Variants in SCFD2 observed in about 807,000 individuals in gnomAD.
SCFD2 encodes the protein sec1 family domain containing 2.
A neutral mutation model predicts 58.9 loss-of-function variants in SCFD2; 54 were observed. That is an observed-to-expected ratio of 0.92 (90% CI 0.74 to 1.15). The LOEUF (loss-of-function observed/expected upper bound fraction) is 1.15. Among genes scored for constraint, SCFD2 ranks in the 50% most tolerant of loss-of-function variants. The pLI, the probability that SCFD2 is intolerant of heterozygous loss-of-function variation, is 0.00. For synonymous variants in SCFD2, 321 were observed against 335.9 expected (o/e 0.96, Z 0.49); for missense variants, 805 against 836.6 (o/e 0.96, Z 0.47).
At chr4:53,121,959 T>G (rs1218268859) in intron 5 of SCFD2, among the ~76,000 whole-genome samples, 1 of 152,212 alleles carries the variant, frequency 6.6e-6, no homozygotes, top group East Asian at 1.9e-4. Flanking sequence ...AGTGAGTTCT[T>G]GCTTTTAATT....
intron 4 of SCFD2, among the ~76,000 whole-genome samples, chr4:53,184,392 G>T (rs1727679471): frequency 6.6e-6 from 1 of 151,980 alleles, no homozygotes; most frequent in Non-Finnish European, 1.5e-5. Context: ...TTGATCTCTG[G>T]AATCAGGAAA....
intron 1 of SCFD2, among the ~76,000 whole-genome samples, chr4:53,363,062 T>A (rs1734590052): frequency 3.3e-5 from 5 of 152,162 alleles, no homozygotes; most frequent in Admixed American, 3.3e-4. Flanking sequence ...TAAGGGAGAA[T>A]CTATAAAATG....
chr4:53,363,345 T>C (rs897705750), intron 1 of SCFD2, among the ~76,000 whole-genome samples: 3 of 151,870 alleles, frequency 2.0e-5, no homozygotes, highest in Non-Finnish European at 4.4e-5. Context: ...GATTGAGTTT[T>C]GCTGTGTTGC....
chr4:53,036,302 TGTAGTGTTTG>T (rs1722758584), intron 5 of SCFD2, among the ~76,000 whole-genome samples: 1 of 151,386 alleles, frequency 6.6e-6, no homozygotes, highest in African/African-American at 2.4e-5. Context: ...TGTGACAACA[TGTAGTGTTTG>T]GTAGTCTGTC....
chr4:53,208,415 CACAA>C (rs1728505023), intron 4 of SCFD2, among the ~76,000 whole-genome samples: 1 of 152,168 alleles, frequency 6.6e-6, no homozygotes, highest in African/African-American at 2.4e-5. Flanking sequence ...CTGTACATGT[CACAA>C]ACACTTTCCT....
chr4:53,247,009 A>AC (rs1323540204), intron 4 of SCFD2, among the ~76,000 whole-genome samples: 1 of 151,502 alleles, frequency 6.6e-6, no homozygotes, highest in Non-Finnish European at 1.5e-5. Flanking sequence ...AAAAAAAAAA[A>AC]AAACTCCAAA....
chr4:53,269,012 G>T (rs1271687165), intron 4 of SCFD2, among the ~76,000 whole-genome samples: 2 of 152,182 alleles, frequency 1.3e-5, no homozygotes, highest in Non-Finnish European at 2.9e-5. Flanking sequence ...TGAACCCTGT[G>T]CTGTTAGACT....
chr4:53,252,673 G>C (rs1247993677), intron 4 of SCFD2, among the ~76,000 whole-genome samples: 3 of 152,024 alleles, frequency 2.0e-5, no homozygotes, highest in African/African-American at 7.3e-5. Flanking sequence ...GGGAAAACTG[G>C]CTAGCCATAT....
intron 4 of SCFD2, among the ~76,000 whole-genome samples, chr4:53,168,809 A>G (rs1313630052): frequency 2.6e-5 from 4 of 152,244 alleles, no homozygotes; most frequent in African/African-American, 9.6e-5. Flanking sequence ...TAGTATTACT[A>G]TAGTCACCAC....
At chr4:53,278,046 C>T (rs1159788226) in intron 3 of SCFD2, among the ~76,000 whole-genome samples, 1 of 146,318 alleles carries the variant, frequency 6.8e-6, no homozygotes, top group Non-Finnish European at 1.5e-5. Context: ...AACGAGACTC[C>T]GTCTCAAAAC....
At chr4:53,032,416 C>G (rs1577673003) in intron 5 of SCFD2, among the ~76,000 whole-genome samples, 1 of 152,126 alleles carries the variant, frequency 6.6e-6, no homozygotes, top group East Asian at 1.9e-4. Flanking sequence ...ATCATACTGA[C>G]AGGATCAAAT....
chr4:52,908,269 C>G (rs1384615353), intron 6 of SCFD2, among the ~76,000 whole-genome samples: 1 of 152,162 alleles, frequency 6.6e-6, no homozygotes, highest in African/African-American at 2.4e-5. Flanking sequence ...ACCTGAATAA[C>G]CCGTCCATGT....
At chr4:53,360,393 T>C (rs1478521291) in intron 1 of SCFD2, among the ~76,000 whole-genome samples, 1 of 152,250 alleles carries the variant, frequency 6.6e-6, no homozygotes, top group Non-Finnish European at 1.5e-5. Flanking sequence ...TTAATCCTTC[T>C]AAAAGTGAGC....
At chr4:53,299,107 T>G (rs1342247975) in intron 3 of SCFD2, among the ~76,000 whole-genome samples, 1 of 152,132 alleles carries the variant, frequency 6.6e-6, no homozygotes, top group Non-Finnish European at 1.5e-5. Context: ...ATGACTTTGA[T>G]GAGTTGAGAG....
chr4:53,181,522 A>G (rs1577812365), intron 4 of SCFD2, among the ~76,000 whole-genome samples: 1 of 152,330 alleles, frequency 6.6e-6, no homozygotes, highest in South Asian at 2.1e-4. Flanking sequence ...GATAAGAGCT[A>G]TCTATAACAA....
intron 5 of SCFD2, among the ~76,000 whole-genome samples, chr4:53,081,475 C>T (rs1724144885): frequency 6.6e-6 from 1 of 152,108 alleles, no homozygotes. Context: ...GTTTAGCTCC[C>T]ACTTATAAGT....
chr4:53,331,721 G>T (rs1733478423), intron 2 of SCFD2, among the ~76,000 whole-genome samples: 1 of 152,128 alleles, frequency 6.6e-6, no homozygotes, highest in African/African-American at 2.4e-5. Context: ...TCCAAAGCTA[G>T]CAGAAGGCAA....
Position 53,247,566 on chromosome 4 carries a change from A to T in SCFD2, c.1311+26260T>A, listed in dbSNP as rs569034751. ...ATGGAATACTATGCAGCCATAAAAAATAACAAGATCAGGCCGGGCGCGGTG... is the reference window on the plus strand; with the variant it reads ...ATGGAATACTATGCAGCCATAAAAATTAACAAGATCAGGCCGGGCGCGGTG... On this transcript the variant is annotated intron_variant, in intron 4 of 8. Transcript: ENST00000401642. 5.3e-4 allele frequency among the ~76,000 whole-genome samples: 81 copies of T among 152,350 alleles called. 1 individual carries two copies. In the South Asian group the frequency reaches 0.017, roughly 31 times the overall value.
intron 2 of SCFD2, among the ~76,000 whole-genome samples, chr4:53,343,193 C>T (rs1733940522): frequency 6.6e-6 from 1 of 151,994 alleles, no homozygotes; most frequent in Non-Finnish European, 1.5e-5. Context: ...AAAAGATCAA[C>T]AAAATTGATA....
Sources: gnomAD v4.1 joint callset for allele counts (sites outside exome capture counted in the v4.1 genomes callset) on GRCh38, gnomAD v4.1.1 for gene constraint, MANE v1.5 for transcripts, NCBI Gene and HGNC (gene_info 2026-07-23, HGNC 2026-07-21) for gene names.